Variants in SLCO2B1 observed in about 807,000 individuals in gnomAD.
The protein encoded by SLCO2B1 is OATP-RP2.
SLCO2B1 carries 41 observed loss-of-function variants against 67.3 expected under a neutral mutation model. The ratio of observed to expected loss-of-function variants is 0.61; its 90% CI spans 0.47 to 0.79. The LOEUF (loss-of-function observed/expected upper bound fraction) is 0.79. Ranked by LOEUF, SLCO2B1 falls within the 30% of genes least tolerant of loss-of-function variation. The pLI is 0.00. For synonymous variants in SLCO2B1, 379 were observed against 381.4 expected (o/e 0.99, Z 0.07); for missense variants, 837 against 920.1 (o/e 0.91, Z 1.17).
intron 1 of SLCO2B1, among the ~76,000 whole-genome samples, chr11:75,154,933 T>C (rs1173927906): frequency 6.6e-6 from 1 of 152,218 alleles, no homozygotes; most frequent in Non-Finnish European, 1.5e-5. Context: ...CCTTGAGCCA[T>C]AGCTGCCTAT....
At chr11:75,186,245 G>T (rs1591828087) in intron 7 of SLCO2B1, among the ~76,000 whole-genome samples, 1 of 150,390 alleles carries the variant, frequency 6.6e-6, no homozygotes, top group South Asian at 2.1e-4. Flanking sequence ...GTCTCGCTCT[G>T]TTGCCCAGGC....
At chr11:75,178,181 C>A (rs1950049640) in intron 7 of SLCO2B1, among the ~76,000 whole-genome samples, 2 of 152,100 alleles carry the variant, frequency 1.3e-5, no homozygotes, top group South Asian at 4.1e-4. Context: ...GAAGCTAGTA[C>A]TGTCAGGTGC....
At chr11:75,169,551 TC>T in intron 5 of SLCO2B1, 114 bp from the exon 6 acceptor site, 1 of 1,196,930 alleles carries the variant, frequency 8.4e-7, no homozygotes, top group Non-Finnish European at 1.2e-6. Flanking sequence ...CCTGGAGAGT[TC>T]CCCATCCCTG....
chr11:75,168,027 G>A (rs1949913138), intron 4 of SLCO2B1, among the ~76,000 whole-genome samples: 1 of 151,512 alleles, frequency 6.6e-6, no homozygotes, highest in Admixed American at 6.6e-5. Flanking sequence ...CTGAGTAGCT[G>A]GGATTACAGG....
At chr11:75,181,023 T>C (rs947892403) in intron 7 of SLCO2B1, among the ~76,000 whole-genome samples, 20 of 152,306 alleles carry the variant, frequency 1.3e-4, no homozygotes, top group African/African-American at 4.8e-4. Context: ...GTTCTGAGGT[T>C]TCTGGTAGCC....
intron 5 of SLCO2B1, 112 bp from the exon 6 acceptor site, chr11:75,169,554 C>A: frequency 8.4e-7 from 1 of 1,195,792 alleles, no homozygotes; most frequent in Non-Finnish European, 1.2e-6. Context: ...GGAGAGTTCC[C>A]CATCCCTGAC....
intron 4 of SLCO2B1, among the ~76,000 whole-genome samples, chr11:75,168,687 TC>T (rs1949922530): frequency 6.6e-6 from 1 of 152,180 alleles, no homozygotes; most frequent in African/African-American, 2.4e-5. Context: ...TACTTTGTGA[TC>T]TAGCCATTCT....
Position 75,204,381 on chromosome 11 carries a change from G to T in SLCO2B1, c.1950-19G>T, listed in dbSNP as rs1376658104. 6.3e-7 allele frequency: 1 copy of T among 1,588,086 alleles called. No homozygotes were observed. The highest frequency in any genetic ancestry group is 8.6e-7 in the Non-Finnish European group (1 of 1,167,022). ...GGCCTGGCAGCTCTTGAGTTCAAGG[G>T]TCCCCATTCTTTCCCCAGGTTCATC... is the stretch of plus-strand genomic sequence containing the variant. On this transcript the variant is annotated intron_variant, in intron 13 of 13. Coordinates refer to ENST00000289575, the MANE Select transcript of SLCO2B1 (RefSeq NM_007256.5).
Position 75,162,015 on chromosome 11 carries a change from G to A in SLCO2B1, c.17-640G>A, listed in dbSNP as rs550524799. 1.2e-3 allele frequency among the ~76,000 whole-genome samples: 181 copies of A among 152,292 alleles called. 2 individuals carry two copies. The highest frequency in any genetic ancestry group is 5.4e-4 in the Non-Finnish European group (37 of 68,006). ...TGTCCACAAGAGTGTTAAGTGAGAC[G>A]AGCTCAGAGGGCCCTTTCTGCCCTG... On this transcript the variant is annotated intron_variant, in intron 1 of 13. Transcript: ENST00000289575.
At chr11:75,196,767 T>C in intron 10 of SLCO2B1, 88 bp downstream of exon 10, 8 of 1,210,626 alleles carry the variant, frequency 6.6e-6, no homozygotes, top group Non-Finnish European at 9.3e-6. Flanking sequence ...CACTTCTGCA[T>C]GCTCTCACTC....
intron 7 of SLCO2B1, among the ~76,000 whole-genome samples, chr11:75,177,380 C>A (rs1294029937): frequency 6.6e-6 from 1 of 152,086 alleles, no homozygotes; most frequent in African/African-American, 2.4e-5. Context: ...TGATCATGCC[C>A]AAGAGGCACC....
rs1490784860 is a variant in SLCO2B1 at position 75,159,894 on chromosome 11, A to T, written c.17-2761A>T. 1.5e-5 allele frequency: 15 copies of T among 984,960 alleles called. No homozygotes were observed. In the South Asian group the frequency reaches 5.6e-4, roughly 37 times the overall value. 61.0% of individuals were successfully genotyped at this position (984,960 alleles called of 1,614,324 possible). A position where few individuals can be genotyped will look rare whatever the true frequency, so the allele number is the denominator to read the frequency against. ...AGAGGTGAGGCTGGAGTGGGAGATC[A>T]CCTGAGGCAGGTGAGCAGGCTCCAT... On this transcript the variant is annotated intron_variant, in intron 1 of 13. Coordinates refer to ENST00000289575, the MANE Select transcript of SLCO2B1 (RefSeq NM_007256.5).
chr11:75,157,878 C>T (rs1949765985), intron 1 of SLCO2B1, among the ~76,000 whole-genome samples: 1 of 152,162 alleles, frequency 6.6e-6, no homozygotes, highest in Non-Finnish European at 1.5e-5. Context: ...TCTGGAACTA[C>T]TGGGCTTGGT....
chr11:75,169,468 G>C, intron 5 of SLCO2B1, 62 bp downstream of exon 5: 1 of 1,444,796 alleles, frequency 6.9e-7, no homozygotes, highest in Non-Finnish European at 9.4e-7. Flanking sequence ...AGGAGGAAGA[G>C]AGACCCAGGG....
chr11:75,200,146 C>A, intron 10 of SLCO2B1, 78 bp from the exon 11 acceptor site: 1 of 1,465,310 alleles, frequency 6.8e-7, no homozygotes, highest in Non-Finnish European at 9.3e-7. Context: ...CTCTCACAAG[C>A]CTTCCCCGCT....
intron 1 of SLCO2B1, among the ~76,000 whole-genome samples, chr11:75,161,540 C>T (rs1422061485): frequency 6.6e-6 from 1 of 152,196 alleles, no homozygotes; most frequent in Non-Finnish European, 1.5e-5. Flanking sequence ...CCGTAGCCCC[C>T]TCCCTGAGTT....
rs367928854 is a variant in SLCO2B1, at chr11:75,186,871, C to G, written c.973-1265C>G. On this transcript the variant is annotated intron_variant, in intron 7 of 13. Transcript: ENST00000289575. The stretch of plus-strand genomic sequence containing the variant: ...GTTAGAGAAATGTAGGTAGAGTACT[C>G]TGGGGCCTTGGCCTTGGTTGCCCCC... 7.9e-5 allele frequency among the ~76,000 whole-genome samples: 12 copies of G among 152,324 alleles called. 2 individuals carry two copies. Among genetic ancestry groups the G allele is most frequent in the African/African-American group, 2.9e-4 (12 of 41,566 alleles).
Position 75,204,476 on chromosome 11 carries a change from C to T in SLCO2B1, c.2026C>T (p.Gln676Ter). The T allele has an allele frequency of 6.2e-7, 1 of 1,613,462 alleles. No homozygotes were observed. The highest frequency in any genetic ancestry group is 1.3e-5 in the African/African-American group (1 of 75,042). The change falls in exon 14 of 14, where the codon CAG (glutamine) becomes TAG (stop). Residue 676 changes from glutamine (Q) to a stop codon, truncating the protein, a stop_gained. Coordinates refer to ENST00000289575, the MANE Select transcript of SLCO2B1 (RefSeq NM_007256.5). LOFTEE classifies it low-confidence loss of function (END_TRUNC). ...CTTAGTTTTGGCTGTCCTGAGGCAG[C>T]AGGACAAAGAGGCAAGGACCAAAGA... ...FALVLAVLRQ[Q>*]DKEARTKESR...
Position 75,167,895 on chromosome 11 carries a change from C to CTTTT in SLCO2B1, c.449-1265_449-1262dup, listed in dbSNP as rs561140005. On this transcript the variant is annotated intron_variant, in intron 4 of 13. Transcript: ENST00000289575. ...ATCTGGAGAACTTTGTTCTTTCTTT[C>CTTTT]TTTTTTTTTTTTTTTTGAGATGGAG... Among the ~76,000 whole-genome samples, 683 of 134,390 alleles carry CTTTT rather than the reference C, an allele frequency of 5.1e-3. 12 individuals are homozygous for CTTTT. The highest frequency in any genetic ancestry group is 0.017 in the African/African-American group (630 of 36,082). 88.2% of individuals were successfully genotyped at this position (134,390 alleles called of 152,430 possible). A position where few individuals can be genotyped will look rare whatever the true frequency, so the allele number is the denominator to read the frequency against.
Sources: gnomAD v4.1 joint callset for allele counts (sites outside exome capture counted in the v4.1 genomes callset) on GRCh38, gnomAD v4.1.1 for gene constraint, MANE v1.5 for transcripts, NCBI Gene and HGNC (gene_info 2026-07-23, HGNC 2026-07-21) for gene names.